B3GALNT2: variants seen among roughly 807,000 people sequenced by gnomAD.
The protein encoded by B3GALNT2 is UDP-GalNAc:beta-1,3-N-acetylgalactosaminyltransferase 2.
Under a neutral mutation model 61.1 loss-of-function variants are expected in B3GALNT2, and 53 were observed. That is an observed-to-expected ratio of 0.87 (90% confidence interval 0.70 to 1.09). The LOEUF (loss-of-function observed/expected upper bound fraction) is 1.09. Among genes scored for constraint, B3GALNT2 ranks in the 50% least tolerant of loss-of-function variants. The pLI is 0.00. For synonymous variants in B3GALNT2, 223 were observed against 237.4 expected, an observed-to-expected ratio of 0.94 and a Z score of 0.56; for missense variants, 544 against 623.0, an observed-to-expected ratio of 0.87 and a Z score of 1.35.
At chr1:235,490,908 T>C (rs1328149728) in intron 2 of B3GALNT2, among the ~76,000 whole-genome samples, 2 of 152,128 alleles carry the variant, frequency 1.3e-5, no homozygotes, top group East Asian at 1.9e-4. Context: ...CATTAGTCAC[T>C]TGAATTGGCC....
intron 1 of B3GALNT2, among the ~76,000 whole-genome samples, chr1:235,500,697 C>A (rs1025003932): frequency 6.6e-6 from 1 of 152,158 alleles, no homozygotes; most frequent in Non-Finnish European, 1.5e-5. Flanking sequence ...AAAGACACCT[C>A]CCAAAACACC....
chr1:235,453,093 G>A lies in B3GALNT2; in HGVS notation c.1365C>T (p.Tyr455=), dbSNP rs2102780422. The A allele has an allele frequency of 1.2e-6, 2 of 1,610,114 alleles. No homozygotes were observed. Among genetic ancestry groups the A allele is most frequent in the Non-Finnish European group, 1.7e-6 (2 of 1,176,476 alleles). The change falls in exon 11 of 12, where the codon TAC becomes TAT. Residue 455 remains tyrosine (Y), a synonymous_variant. Transcript: ENST00000366600. ...GAGGCCATCCCCAAAGACTTACCTG[G>A]TATCTTTTAGGTCCTATGGCAGCCA... ...IWMAAIGPKR[Y]QDSLWLCEKT...
intron 11 of B3GALNT2, chr1:235,451,755 C>T (rs1258261744): frequency 6.6e-6 from 1 of 152,228 alleles, no homozygotes; most frequent in Non-Finnish European, 1.5e-5. Flanking sequence ...CATGTGCCTT[C>T]TGTCCCCTGC....
At chr1:235,484,244 C>T in intron 4 of B3GALNT2, 78 bp downstream of exon 4, 3 of 1,502,278 alleles carry the variant, frequency 2.0e-6, no homozygotes, top group Non-Finnish European at 2.7e-6. Flanking sequence ...TTCCAATCTA[C>T]TTACTGTATG....
the B3GALNT2 span, among the ~76,000 whole-genome samples, chr1:235,440,067 T>C: frequency 6.6e-6 from 1 of 152,060 alleles, no homozygotes; most frequent in Non-Finnish European, 1.5e-5. Context: ...GCCTCCCGGG[T>C]TCACGCCATT....
At chr1:235,479,586 C>T (rs1368895071) in intron 5 of B3GALNT2, 1 of 155,464 alleles carries the variant, frequency 6.4e-6, no homozygotes, top group East Asian at 1.9e-4. Context: ...TTCAGGCTAT[C>T]ATCCACAACT....
At chr1:235,441,711 C>T in the B3GALNT2 span, 50 of 1,060,872 alleles carry the variant, frequency 4.7e-5, no homozygotes, top group African/African-American at 6.3e-4. Context: ...GGGAAAGGCA[C>T]AGGCTCTCTG....
At chr1:235,462,634 C>T (rs1683488115) in intron 7 of B3GALNT2, among the ~76,000 whole-genome samples, 1 of 152,112 alleles carries the variant, frequency 6.6e-6, no homozygotes, top group African/African-American at 2.4e-5. Context: ...AAAAAGATAA[C>T]ATAAGTATTT....
intron 8 of B3GALNT2, among the ~76,000 whole-genome samples, chr1:235,457,863 A>C (rs1414783093): frequency 5.3e-5 from 8 of 151,918 alleles, no homozygotes; most frequent in Non-Finnish European, 1.0e-4. Flanking sequence ...GGCTTGAGAC[A>C]ACCGAGGCAA....
the B3GALNT2 span, among the ~76,000 whole-genome samples, chr1:235,442,129 C>T: frequency 6.6e-6 from 1 of 151,860 alleles, no homozygotes; most frequent in Non-Finnish European, 1.5e-5. Context: ...CTGCCTCAGC[C>T]TCTGGAGTAG....
At chr1:235,442,674 A>T (rs1681975431), downstream of B3GALNT2, among the ~76,000 whole-genome samples, 1 of 152,180 alleles carries the variant, frequency 6.6e-6, no homozygotes, top group Non-Finnish European at 1.5e-5. Context: ...TTGTCCAGCT[A>T]TTTCTGTTGT....
chr1:235,490,959 C>G (rs956335685), intron 2 of B3GALNT2, among the ~76,000 whole-genome samples: 6 of 151,448 alleles, frequency 4.0e-5, no homozygotes, highest in Admixed American at 6.6e-5. Flanking sequence ...GCAAATAATA[C>G]AAATAAGGGT....
intron 7 of B3GALNT2, among the ~76,000 whole-genome samples, chr1:235,462,420 ACT>A (rs923961493): frequency 1.3e-5 from 2 of 152,106 alleles, no homozygotes; most frequent in African/African-American, 4.8e-5. Flanking sequence ...AAGAAGCAAA[ACT>A]CTCTCTTCTT....
chr1:235,503,127 G>A (rs1355256821), intron 1 of B3GALNT2, among the ~76,000 whole-genome samples: 7 of 152,230 alleles, frequency 4.6e-5, no homozygotes, highest in Non-Finnish European at 1.0e-4. Context: ...ATAAGGCATA[G>A]AGTGCTGAAC....
At chr1:235,503,906 G>A (rs1490340868) in intron 1 of B3GALNT2, among the ~76,000 whole-genome samples, 3 of 152,222 alleles carry the variant, frequency 2.0e-5, no homozygotes, top group Non-Finnish European at 4.4e-5. Flanking sequence ...CCGGCTCTGC[G>A]GGCGTTAAGG....
chr1:235,504,336 G>T lies in B3GALNT2; in HGVS notation c.-84C>A. 7.2e-7 allele frequency: 1 copy of T among 1,398,272 alleles called. No homozygotes were observed. The highest frequency in any genetic ancestry group is 9.4e-7 in the Non-Finnish European group (1 of 1,065,162). The allele number at this position is 1,398,272 out of a possible 1,614,324, so 86.6% of individuals were successfully genotyped here. ...GCAAGTGCGGAGACTGAGGGGCGGCGGCTGACGAGCGACCACTCCGAGCAC... is the reference window on the plus strand; with the variant it reads ...GCAAGTGCGGAGACTGAGGGGCGGCTGCTGACGAGCGACCACTCCGAGCAC... On this transcript the variant is annotated 5_prime_UTR_variant, in exon 1 of 12. Coordinates refer to ENST00000366600, the MANE Select transcript of B3GALNT2 (RefSeq NM_152490.5).
In B3GALNT2 at chr1:235,504,292, G is replaced by A. The variant is rs1347542603; in HGVS notation, c.-40C>T. The A allele has an allele frequency of 2.0e-6, 3 of 1,480,002 alleles. No homozygotes were observed. Among genetic ancestry groups the A allele is most frequent in the Non-Finnish European group, 2.7e-6 (3 of 1,120,394 alleles). 91.7% of individuals were successfully genotyped at this position (1,480,002 alleles called of 1,614,324 possible). A position where few individuals can be genotyped will look rare whatever the true frequency, so the allele number is the denominator to read the frequency against. On this transcript the variant is annotated 5_prime_UTR_variant, in exon 1 of 12. Transcript: ENST00000366600. Reference sequence around the variant, plus strand: ...GCGAGCCGGGCTCTCCCGCGTCCCGGCGGAGAGGGAGGGGACCTGCAAGTG... The same window carrying A: ...GCGAGCCGGGCTCTCCCGCGTCCCGACGGAGAGGGAGGGGACCTGCAAGTG...
intron 5 of B3GALNT2, among the ~76,000 whole-genome samples, chr1:235,474,971 ATATATATATATATATAT>A (rs1237397634): frequency 4.0e-4 from 12 of 30,100 alleles, no homozygotes; most frequent in African/African-American, 1.2e-3. Flanking sequence ...ATATATATAT[ATATATATATATATATAT>A]TTTTTTTTTT....
intron 7 of B3GALNT2, among the ~76,000 whole-genome samples, chr1:235,461,507 GTT>G (rs57611133): frequency 0.11 from 6,952 of 62,360 alleles, 108 homozygotes; most frequent in African/African-American, 0.21. Context: ...ATGACCTCCT[GTT>G]TTTTTTTTTT....
Sources: gnomAD v4.1 joint callset for allele counts (sites outside exome capture counted in the v4.1 genomes callset) on GRCh38, gnomAD v4.1.1 for gene constraint, MANE v1.5 for transcripts, NCBI Gene and HGNC (gene_info 2026-07-23, HGNC 2026-07-21) for gene names.